FOXN3: variants seen among roughly 807,000 people sequenced by gnomAD.
The protein encoded by FOXN3 is forkhead box protein N3.
A neutral mutation model predicts 38.4 loss-of-function variants in FOXN3; 7 were observed. That is an observed-to-expected ratio of 0.18 (90% CI 0.10 to 0.34). FOXN3 has a LOEUF of 0.34. Ranked by LOEUF, FOXN3 falls within the 10% of genes least tolerant of loss-of-function variation. The pLI, the probability that FOXN3 is intolerant of heterozygous loss-of-function variation, is 1.00. For synonymous variants in FOXN3, 230 were observed against 242.2 expected, an observed-to-expected ratio of 0.95 and a Z score of 0.47; for missense variants, 456 against 613.4, an observed-to-expected ratio of 0.74 and a Z score of 2.71.
At chr14:89,267,985 G>C (rs1356999398) in intron 4 of FOXN3, among the ~76,000 whole-genome samples, 1 of 152,134 alleles carries the variant, frequency 6.6e-6, no homozygotes, top group African/African-American at 2.4e-5. Context: ...ACCTGGCTTT[G>C]AATCCTGACT....
At chr14:89,344,491 G>A (rs1383157490) in intron 3 of FOXN3, among the ~76,000 whole-genome samples, 2 of 152,166 alleles carry the variant, frequency 1.3e-5, no homozygotes, top group Admixed American at 6.5e-5. Context: ...GGTGAGAGAG[G>A]ATTAAAATGT....
At chr14:89,410,909 G>C (rs28531095) in intron 2 of FOXN3, among the ~76,000 whole-genome samples, 3 of 151,960 alleles carry the variant, frequency 2.0e-5, no homozygotes, top group African/African-American at 7.2e-5. Context: ...AAAGAAAAAA[G>C]AAAGAAAAAG....
At chr14:89,173,512 T>G (rs1320197328) in intron 5 of FOXN3, among the ~76,000 whole-genome samples, 1 of 152,222 alleles carries the variant, frequency 6.6e-6, no homozygotes, top group South Asian at 2.1e-4. Flanking sequence ...GCACTGCTTG[T>G]AATATCAAAG....
intron 5 of FOXN3, among the ~76,000 whole-genome samples, chr14:89,172,177 A>G (rs1887406844): frequency 6.6e-6 from 1 of 152,264 alleles, no homozygotes; most frequent in South Asian, 2.1e-4. Context: ...GAAAAAAATC[A>G]TAAAGCTACA....
intron 2 of FOXN3, among the ~76,000 whole-genome samples, chr14:89,390,315 A>C (rs190725086): frequency 0.015 from 2,144 of 145,510 alleles, 18 homozygotes; most frequent in East Asian, 0.044. Context: ...CTCTCTCTCT[A>C]TATATATATA....
chr14:89,516,121 C>T (rs538902989), intron 1 of FOXN3, among the ~76,000 whole-genome samples: 3 of 145,200 alleles, frequency 2.1e-5, no homozygotes, highest in East Asian at 4.1e-4. Flanking sequence ...GGGGAGGCAG[C>T]GTACACAGCA....
At chr14:89,174,057 G>A (rs144993156) in intron 5 of FOXN3, among the ~76,000 whole-genome samples, 208 of 152,142 alleles carry the variant, frequency 1.4e-3, no homozygotes, top group African/African-American at 4.8e-3. Flanking sequence ...TGAACACTAC[G>A]AAGAATGATA....
At chr14:89,472,247 C>T (rs1381075091) in intron 1 of FOXN3, among the ~76,000 whole-genome samples, 2 of 149,836 alleles carry the variant, frequency 1.3e-5, no homozygotes. Flanking sequence ...AGAGTGAGAA[C>T]CCATCTCAAA....
chr14:89,457,986 C>T (rs929620115), intron 1 of FOXN3, among the ~76,000 whole-genome samples: 2 of 146,268 alleles, frequency 1.4e-5, no homozygotes, highest in Non-Finnish European at 3.0e-5. Flanking sequence ...GCCAAGATTG[C>T]GCCATCGCAC....
At chr14:89,446,350 G>A (rs939581441) in intron 1 of FOXN3, among the ~76,000 whole-genome samples, 1 of 151,502 alleles carries the variant, frequency 6.6e-6, no homozygotes, top group African/African-American at 2.4e-5. Flanking sequence ...CACCACGCTC[G>A]GCTAATTTTT....
intron 1 of FOXN3, among the ~76,000 whole-genome samples, chr14:89,456,027 T>C (rs998776053): frequency 6.6e-6 from 1 of 151,824 alleles, no homozygotes; most frequent in Non-Finnish European, 1.5e-5. Context: ...AACCCGTGTC[T>C]ACTAAAAATA....
chr14:89,551,345 A>G (rs145576261), intron 1 of FOXN3, among the ~76,000 whole-genome samples: 1 of 152,260 alleles, frequency 6.6e-6, no homozygotes, highest in African/African-American at 2.4e-5. Context: ...CAGTTTTGTG[A>G]GACTAAAGCC....
At chr14:89,237,912 C>T (rs900344879) in intron 4 of FOXN3, among the ~76,000 whole-genome samples, 16 of 152,174 alleles carry the variant, frequency 1.1e-4, no homozygotes, top group African/African-American at 3.9e-4. Context: ...GTGTGCTGTA[C>T]GATGGCAGAG....
intron 4 of FOXN3, among the ~76,000 whole-genome samples, chr14:89,246,074 C>T (rs1217869179): frequency 1.3e-5 from 2 of 152,134 alleles, no homozygotes; most frequent in Admixed American, 6.6e-5. Context: ...TATTCTAAAA[C>T]TGCTTGTGCT....
intron 4 of FOXN3, among the ~76,000 whole-genome samples, chr14:89,261,986 C>A (rs2139892981): frequency 6.6e-6 from 1 of 152,138 alleles, no homozygotes; most frequent in African/African-American, 2.4e-5. Flanking sequence ...CACCTGTAGT[C>A]CCAGCTACTC....
intron 3 of FOXN3, chr14:89,290,364 C>T (rs912274241): frequency 7.9e-6 from 3 of 379,432 alleles, no homozygotes; most frequent in Non-Finnish European, 1.6e-5. Flanking sequence ...TGTGTGGCAA[C>T]CTTCTGTCTT....
intron 3 of FOXN3, among the ~76,000 whole-genome samples, chr14:89,310,286 G>A (rs866683486): frequency 1.3e-5 from 2 of 152,130 alleles, no homozygotes; most frequent in Admixed American, 6.5e-5. Flanking sequence ...ACAGGGGGTC[G>A]GGCAGCCATC....
chr14:89,275,093 T>C (rs550787164), intron 4 of FOXN3, among the ~76,000 whole-genome samples: 11 of 152,202 alleles, frequency 7.2e-5, no homozygotes, highest in Admixed American at 2.0e-4. Flanking sequence ...AGACAAGCAT[T>C]GTCATGACTC....
intron 2 of FOXN3, among the ~76,000 whole-genome samples, chr14:89,402,971 A>G (rs921167059): frequency 6.6e-6 from 1 of 152,198 alleles, no homozygotes; most frequent in Non-Finnish European, 1.5e-5. Flanking sequence ...TCAAGTGAAC[A>G]TAAGGAATAT....
Sources: gnomAD v4.1 joint callset for allele counts (sites outside exome capture counted in the v4.1 genomes callset) on GRCh38, gnomAD v4.1.1 for gene constraint, MANE v1.5 for transcripts, NCBI Gene and HGNC (gene_info 2026-07-23, HGNC 2026-07-21) for gene names.